The following ARHGAP15 variants were observed in gnomAD, a reference collection of about 807,000 sequenced individuals.
ARHGAP15 encodes Rho GTPase activating protein 15, also known as rho GTPase-activating protein 15.
ARHGAP15 carries 51 observed loss-of-function variants against 63.7 expected under a neutral mutation model. That is an observed-to-expected ratio of 0.80 (90% CI 0.64 to 1.01). ARHGAP15 has a LOEUF of 1.01. Ranked by LOEUF, ARHGAP15 falls within the 50% of genes least tolerant of loss-of-function variation. ARHGAP15 has a pLI of 0.00. For missense variants in ARHGAP15, 560 were observed against 564.6 expected (o/e 0.99, Z 0.08); for synonymous variants, 191 against 193.8 (o/e 0.99, Z 0.12).
In ARHGAP15 at chr2:143,231,674, TACTC is replaced by T. The variant is rs776278625; in HGVS notation, c.384+3008_384+3011del. ...AAGTTCTTCCAGTTCATATCTGTCT[TACTC>T]AGTTAGGACTGCTACATCAAAGTAC... On this transcript the variant is annotated intron_variant, in intron 5 of 13. Coordinates refer to ENST00000295095, the MANE Select transcript of ARHGAP15 (RefSeq NM_018460.4). Among the ~76,000 whole-genome samples the T allele has an allele frequency of 1.4e-4, 21 of 152,226 alleles. 1 individual carries two copies. Among genetic ancestry groups the T allele is most frequent in the Non-Finnish European group, 2.8e-4 (19 of 68,040 alleles).
rs571526733 is a variant in ARHGAP15 at position 143,555,004 on chromosome 2, A to G, written c.926-1404A>G. On this transcript the variant is annotated intron_variant, in intron 10 of 13. Coordinates refer to ENST00000295095, the MANE Select transcript of ARHGAP15 (RefSeq NM_018460.4). ...CAGTAATTTCTTAGATTATTCTAGA[A>G]CTATAAAGTCACATCAATTAATACA... 9.3e-4 allele frequency among the ~76,000 whole-genome samples: 142 copies of G among 152,302 alleles called. 1 individual carries two copies. The highest frequency in any genetic ancestry group is 3.3e-3 in the African/African-American group (139 of 41,580).
intron 6 of ARHGAP15, among the ~76,000 whole-genome samples, chr2:143,420,931 C>G (rs980538102): frequency 6.6e-6 from 1 of 152,164 alleles, no homozygotes; most frequent in Non-Finnish European, 1.5e-5. Flanking sequence ...CAGACACATG[C>G]TAGTAACTAC....
chr2:143,457,732 T>TA (rs1690730597), intron 8 of ARHGAP15, among the ~76,000 whole-genome samples: 1 of 151,688 alleles, frequency 6.6e-6, no homozygotes, highest in Non-Finnish European at 1.5e-5. Flanking sequence ...GTGTAAGATA[T>TA]AAAAAATTGA....
intron 6 of ARHGAP15, among the ~76,000 whole-genome samples, chr2:143,266,053 T>C (rs1404930179): frequency 1.3e-5 from 2 of 152,044 alleles, no homozygotes; most frequent in Middle Eastern, 3.2e-3. Context: ...CAGAGTTATT[T>C]TCGAAACTGT....
chr2:143,360,638 G>A (rs1382096058), intron 6 of ARHGAP15, among the ~76,000 whole-genome samples: 1 of 152,088 alleles, frequency 6.6e-6, no homozygotes, highest in African/African-American at 2.4e-5. Context: ...AATATAAGAA[G>A]TATTTATATC....
intron 3 of ARHGAP15, among the ~76,000 whole-genome samples, chr2:143,206,845 T>C (rs1692348854): frequency 6.6e-6 from 1 of 152,012 alleles, no homozygotes; most frequent in Non-Finnish European, 1.5e-5. Context: ...AAATAACACA[T>C]AAAAAGTTTG....
chr2:143,515,187 A>ATGGGGCC (rs1693758018), intron 9 of ARHGAP15, among the ~76,000 whole-genome samples: 1 of 93,160 alleles, frequency 1.1e-5, no homozygotes, highest in Non-Finnish European at 2.3e-5. Flanking sequence ...CACTATATTA[A>ATGGGGCC]CCCCCCCACC....
chr2:143,172,067 T>C (rs1690803310), intron 2 of ARHGAP15: 1 of 152,102 alleles, frequency 6.6e-6, no homozygotes, highest in South Asian at 2.1e-4. Context: ...AAGACAAGCA[T>C]TAAGGGAAGA....
At position 143,590,612 on chromosome 2, in the gene ARHGAP15, G is replaced by C. The variant is rs577774395; in HGVS notation, c.1004-33521G>C. ...CACCCCCAACCATCCATTCCTCCTG[G>C]GTATCTTTATGGAATCTAAGTGCTG... On this transcript the variant is annotated intron_variant, in intron 11 of 13. Coordinates refer to ENST00000295095, the MANE Select transcript of ARHGAP15 (RefSeq NM_018460.4). 2.0e-5 allele frequency among the ~76,000 whole-genome samples: 3 copies of C among 152,082 alleles called. No individual in the cohort carries two copies. The East Asian group carries it at 5.8e-4, about 29-fold the overall frequency.
chr2:143,363,750 A>G lies in ARHGAP15; in HGVS notation c.475-71851A>G, dbSNP rs753455708. Reference sequence around the variant, plus strand: ...ATCACCTCTATATGTTTGTCAATCAATTTTGATTTATCGTCTCCAAACTCA... The same window carrying G: ...ATCACCTCTATATGTTTGTCAATCAGTTTTGATTTATCGTCTCCAAACTCA... On this transcript the variant is annotated intron_variant, in intron 6 of 13. Coordinates refer to ENST00000295095, the MANE Select transcript of ARHGAP15 (RefSeq NM_018460.4). Among the ~76,000 whole-genome samples, 5 of 152,128 alleles carry G rather than the reference A, an allele frequency of 3.3e-5. No homozygotes were observed. In the South Asian group the frequency reaches 8.3e-4, roughly 25 times the overall value.
intron 6 of ARHGAP15, among the ~76,000 whole-genome samples, chr2:143,333,546 A>G (rs1039962484): frequency 6.6e-6 from 1 of 152,214 alleles, no homozygotes; most frequent in African/African-American, 2.4e-5. Context: ...AGTGAAAGAC[A>G]AAGTAGTTTA....
At chr2:143,255,978 G>T (rs1312399629) in intron 6 of ARHGAP15, among the ~76,000 whole-genome samples, 1 of 152,076 alleles carries the variant, frequency 6.6e-6, no homozygotes, top group Non-Finnish European at 1.5e-5. Flanking sequence ...GTGCAGTGGA[G>T]AGAACACATG....
intron 5 of ARHGAP15, chr2:143,238,114 C>T (rs1191804440): frequency 1.3e-5 from 2 of 152,034 alleles, no homozygotes; most frequent in African/African-American, 2.4e-5. Context: ...CTAGGCAATA[C>T]CATTCAGGAC....
chr2:143,424,409 A>G (rs1279445015), intron 6 of ARHGAP15, among the ~76,000 whole-genome samples: 1 of 152,118 alleles, frequency 6.6e-6, no homozygotes, highest in Non-Finnish European at 1.5e-5. Flanking sequence ...AAATGGTAAT[A>G]TAATTCTGGA....
At chr2:143,153,777 A>ATCTTCTTCTTCTTCT (rs1175995548) in intron 1 of ARHGAP15, among the ~76,000 whole-genome samples, 3 of 85,194 alleles carry the variant, frequency 3.5e-5, no homozygotes, top group African/African-American at 1.3e-4. Context: ...TATATAATAA[A>ATCTTCTTCTTCTTCT]TCTTCTTCTT....
intron 8 of ARHGAP15, among the ~76,000 whole-genome samples, chr2:143,461,010 C>G (rs1045171575): frequency 1.3e-5 from 2 of 152,130 alleles, no homozygotes; most frequent in Non-Finnish European, 2.9e-5. Flanking sequence ...GAAGACTTGG[C>G]TGGGCATGGT....
At chr2:143,403,672 C>T (rs1447568969) in intron 6 of ARHGAP15, among the ~76,000 whole-genome samples, 2 of 151,694 alleles carry the variant, frequency 1.3e-5, no homozygotes, top group Non-Finnish European at 2.9e-5. Context: ...GAAAACAGAC[C>T]AGAAAAAGAC....
At chr2:143,325,294 T>G (rs1452291757) in intron 6 of ARHGAP15, among the ~76,000 whole-genome samples, 1 of 152,168 alleles carries the variant, frequency 6.6e-6, no homozygotes, top group Non-Finnish European at 1.5e-5. Context: ...GAGCATTTCT[T>G]CAAATACTCT....
chr2:143,233,083 G>C (rs1693511745), intron 5 of ARHGAP15, among the ~76,000 whole-genome samples: 1 of 151,996 alleles, frequency 6.6e-6, no homozygotes. Context: ...CAATGTATAT[G>C]TTATTACCAT....
Sources: gnomAD v4.1 joint callset for allele counts (sites outside exome capture counted in the v4.1 genomes callset) on GRCh38, gnomAD v4.1.1 for gene constraint, MANE v1.5 for transcripts, NCBI Gene and HGNC (gene_info 2026-07-23, HGNC 2026-07-21) for gene names.